Variants in PCDHGB6 observed in about 807,000 individuals in gnomAD.
The protein encoded by PCDHGB6 is protocadherin gamma subfamily B, 6, also known as protocadherin gamma-B6.
Under a neutral mutation model 59.1 loss-of-function variants are expected in PCDHGB6, and 51 were observed. The ratio of observed to expected loss-of-function variants is 0.86; its 90% confidence interval spans 0.69 to 1.09. The LOEUF (loss-of-function observed/expected upper bound fraction) is 1.09. Ranked by LOEUF, PCDHGB6 falls within the 50% of genes least tolerant of loss-of-function variation. The pLI is 0.00. For synonymous variants in PCDHGB6, 466 were observed against 495.1 expected (o/e 0.94, Z 0.78); for missense variants, 1,148 against 1,205.1 (o/e 0.95, Z 0.70).
At position 141,431,017 on chromosome 5, in the gene PCDHGB6, G is replaced by A. The variant is rs768036730; in HGVS notation, c.2418+20397G>A. 2.5e-6 allele frequency: 4 copies of A among 1,613,768 alleles called. No homozygotes were observed. Among genetic ancestry groups the A allele is most frequent in the South Asian group, 1.1e-5 (1 of 91,084 alleles). ...ATCCGCGCAGCGGCAGCTTGGTCAC[G>A]GCGGGCAGGATAGACCGGGAGGAGC... On this transcript the variant is annotated intron_variant, in intron 1 of 3. Transcript: ENST00000520790. This position sits in a 1 kb window ranked among gnomAD's most constrained non-coding sequence, Gnocchi z 4.8.
chr5:141,439,013 A>T lies in PCDHGB6; in HGVS notation c.2418+28393A>T, dbSNP rs2098082221. 1.3e-5 allele frequency among the ~76,000 whole-genome samples: 2 copies of T among 151,700 alleles called. 1 individual carries two copies. The highest frequency in any genetic ancestry group is 1.3e-4 in the Admixed American group (2 of 15,214). On this transcript the variant is annotated intron_variant, in intron 1 of 3. Transcript: ENST00000520790. ...GGCTAAGGACCTGGTTTGTTTGTCA[A>T]ATTTTGAAAATAGATGCCTCAGTTC...
At chr5:141,462,203 G>T (rs544238255) in intron 1 of PCDHGB6, among the ~76,000 whole-genome samples, 2 of 152,036 alleles carry the variant, frequency 1.3e-5, no homozygotes, top group African/African-American at 4.8e-5. Flanking sequence ...CAGGTGATCC[G>T]CCTGCCTCGG....
chr5:141,491,143 C>A lies in PCDHGB6; in HGVS notation c.2419-3664C>A. 1.2e-6 allele frequency: 2 copies of A among 1,614,142 alleles called. No homozygotes were observed. Among genetic ancestry groups the A allele is most frequent in the South Asian group, 1.1e-5 (1 of 91,082 alleles). On this transcript the variant is annotated intron_variant, in intron 1 of 3. Transcript: ENST00000520790. This position sits in a 1 kb window ranked among gnomAD's most constrained non-coding sequence, Gnocchi z 6.9. ...TGAGGTGCGCACAGCCCGGGCCTTA[C>A]TGGAGGATGACTCTGACACCCAGCA... is the stretch of plus-strand genomic sequence containing the variant.
chr5:141,486,722 G>C lies in PCDHGB6; in HGVS notation c.2419-8085G>C, dbSNP rs1235454839. The C allele has an allele frequency of 6.2e-7, 1 of 1,614,200 alleles. No homozygotes were observed. Among genetic ancestry groups the C allele is most frequent in the East Asian group, 2.2e-5 (1 of 44,874 alleles). ...CTCTCTGAACCCCCAGACAGGAGCT[G>C]TTCATGCTACTCGATCCTTTGACTA... On this transcript the variant is annotated intron_variant, in intron 1 of 3. Transcript: ENST00000520790. This position sits in a 1 kb window ranked among gnomAD's most constrained non-coding sequence, Gnocchi z 5.0.
intron 2 of PCDHGB6, among the ~76,000 whole-genome samples, chr5:141,495,607 A>G (rs1484333463): frequency 1.3e-5 from 2 of 151,832 alleles, no homozygotes; most frequent in Admixed American, 1.3e-4. Flanking sequence ...TTCCGTCTTG[A>G]TTGCTGCACC....
intron 1 of PCDHGB6, among the ~76,000 whole-genome samples, chr5:141,448,869 T>C (rs1375609555): frequency 6.6e-6 from 1 of 151,930 alleles, no homozygotes; most frequent in Non-Finnish European, 1.5e-5. Flanking sequence ...GGCGTGAACC[T>C]GGGAGGCGGA....
intron 1 of PCDHGB6, among the ~76,000 whole-genome samples, chr5:141,470,572 A>G (rs1349952470): frequency 6.6e-6 from 1 of 152,208 alleles, no homozygotes; most frequent in Non-Finnish European, 1.5e-5. Flanking sequence ...GCCAAGCAGG[A>G]TCAACTTCAT....
At position 141,477,924 on chromosome 5, in the gene PCDHGB6, A is replaced by G; in HGVS notation, c.2419-16883A>G. 1 of 1,614,140 alleles carries G rather than the reference A, an allele frequency of 6.2e-7. No homozygotes were observed. On this transcript the variant is annotated intron_variant, in intron 1 of 3. Transcript: ENST00000520790. The surrounding 1 kb of genome is among the most constrained non-coding windows in gnomAD (Gnocchi z 4.9). ...GGCTGGGACGCGGATGCAGGGCACA[A>G]TGCCTGGCTCTCCTACAGTCTCTTG...
rs755706235 is a variant in PCDHGB6 at position 141,476,450 on chromosome 5, G to A, written c.2419-18357G>A. ...TTGCACTGTAACTCTGGAGTTGGTA[G>A]TGGAGAACCCGCTGGAGCTGTTCAG... On this transcript the variant is annotated intron_variant, in intron 1 of 3. Transcript: ENST00000520790. The surrounding 1 kb of genome is among the most constrained non-coding windows in gnomAD (Gnocchi z 7.6). The A allele has an allele frequency of 6.2e-7, 1 of 1,614,180 alleles. No individual in the cohort carries two copies. The highest frequency in any genetic ancestry group is 8.5e-7 in the Non-Finnish European group (1 of 1,180,040).
At chr5:141,415,074 G>A (rs745950404) in intron 1 of PCDHGB6, 4 of 1,613,448 alleles carry the variant, frequency 2.5e-6, no homozygotes, top group East Asian at 2.2e-5. Flanking sequence ...TGCGCACGGC[G>A]CGAGCCCTGC....
chr5:141,478,101 T>G, intron 1 of PCDHGB6: 1 of 1,614,018 alleles, frequency 6.2e-7, no homozygotes, highest in Middle Eastern at 1.6e-4. Flanking sequence ...ACTGCTACCC[T>G]CACTGTGTCA....
intron 1 of PCDHGB6, chr5:141,415,228 C>A: frequency 1.2e-6 from 2 of 1,614,168 alleles, no homozygotes; most frequent in South Asian, 2.2e-5. Flanking sequence ...CTTCGAGTCT[C>A]CAGCTAACTC....
rs1433790348 is a variant in PCDHGB6, at chr5:141,431,831, G to A, written c.2418+21211G>A. The A allele has an allele frequency of 1.2e-6, 2 of 1,614,110 alleles. No homozygotes were observed. The highest frequency in any genetic ancestry group is 1.7e-6 in the Non-Finnish European group (2 of 1,180,040). On this transcript the variant is annotated intron_variant, in intron 1 of 3. Transcript: ENST00000520790. The surrounding 1 kb of genome is among the most constrained non-coding windows in gnomAD (Gnocchi z 4.8). Reference sequence around the variant, plus strand: ...CACCTCTCTCGCCAGCTCGGTTCCCGAAAACTCTCCCAGAGGGACATTAAT... The same window carrying A: ...CACCTCTCTCGCCAGCTCGGTTCCCAAAAACTCTCCCAGAGGGACATTAAT...
chr5:141,444,525 C>T (rs2098439670), intron 1 of PCDHGB6, among the ~76,000 whole-genome samples: 1 of 152,062 alleles, frequency 6.6e-6, no homozygotes, highest in African/African-American at 2.4e-5. Context: ...GTAGGTGAGA[C>T]AGTGACTGTG....
rs2099706000 is a variant in PCDHGB6 at position 141,490,911 on chromosome 5, G to A, written c.2419-3896G>A. 1 of 1,613,722 alleles carries A rather than the reference G, an allele frequency of 6.2e-7. No individual in the cohort carries two copies. Among genetic ancestry groups the A allele is most frequent in the Non-Finnish European group, 8.5e-7 (1 of 1,179,746 alleles). Reference sequence around the variant, plus strand: ...CTCTGCATGTGTTTGTCCTAGACGAGAATGATAATGCCCCAGCTGTGCTGC... The same window carrying A: ...CTCTGCATGTGTTTGTCCTAGACGAAAATGATAATGCCCCAGCTGTGCTGC... On this transcript the variant is annotated intron_variant, in intron 1 of 3. Coordinates refer to ENST00000520790, the MANE Select transcript of PCDHGB6 (RefSeq NM_018926.3). This position sits in a 1 kb window ranked among gnomAD's most constrained non-coding sequence, Gnocchi z 5.4.
Position 141,408,120 on chromosome 5 carries a change from C to T in PCDHGB6, c.-83C>T, listed in dbSNP as rs1375123891. 3.4e-6 allele frequency: 5 copies of T among 1,475,704 alleles called. No homozygotes were observed. The allele number at this position is 1,475,704 out of a possible 1,614,324, so 91.4% of individuals were successfully genotyped here. A position where few individuals can be genotyped will look rare whatever the true frequency, so the allele number is the denominator to read the frequency against. ...TCCGAGACCCGGGACTCCTCCTGTC[C>T]TGGGCCGAATGCTCTTTTAGCGCGG... On this transcript the variant is annotated 5_prime_UTR_variant, in exon 1 of 4. Coordinates refer to ENST00000520790, the MANE Select transcript of PCDHGB6 (RefSeq NM_018926.3).
In PCDHGB6 at chr5:141,410,430, A is replaced by G; in HGVS notation, c.2228A>G (p.Tyr743Cys). The change falls in exon 1 of 4, where the codon TAC becomes TGC. Residue 743 changes from tyrosine to cysteine, a missense_variant. By Grantham distance (194) the Tyr-to-Cys change is radical. This residue lies in a region of PCDHGB6 where 283 missense variants were observed against 318.6 expected (regional missense o/e 0.89). Coordinates refer to ENST00000520790, the MANE Select transcript of PCDHGB6 (RefSeq NM_018926.3). ...TCTGGACCTGTAGTTCCCCCCAACT[A>G]CAGTGAGGGGACTTTGCCTTATTCT... is the stretch of plus-strand genomic sequence containing the variant. ...VKSGPVVPPN[Y>C]SEGTLPYSYN... The G allele has an allele frequency of 6.2e-7, 1 of 1,613,976 alleles. No individual in the cohort carries two copies. The highest frequency in any genetic ancestry group is 1.6e-4 in the Middle Eastern group (1 of 6,062).
chr5:141,493,336 A>G lies in PCDHGB6; in HGVS notation c.2419-1471A>G, dbSNP rs1049621539. Among the ~76,000 whole-genome samples, 4 of 152,202 alleles carry G rather than the reference A, an allele frequency of 2.6e-5. No homozygotes were observed. Among genetic ancestry groups the G allele is most frequent in the African/African-American group, 9.7e-5 (4 of 41,450 alleles). On this transcript the variant is annotated intron_variant, in intron 1 of 3. Transcript: ENST00000520790. The surrounding 1 kb of genome is among the most constrained non-coding windows in gnomAD (Gnocchi z 4.3). ...GAGATTCTAACCCCTGTCTAACTCC[A>G]GAATGTGTGCTTTTAATTTCTTGGC...
At chr5:141,475,014 C>G (rs2099358221) in intron 1 of PCDHGB6, among the ~76,000 whole-genome samples, 1 of 152,202 alleles carries the variant, frequency 6.6e-6, no homozygotes, top group South Asian at 2.1e-4. Flanking sequence ...AAAGTTAAGG[C>G]TCTTTATTCT....
Sources: gnomAD v4.1 joint callset for allele counts (sites outside exome capture counted in the v4.1 genomes callset) on GRCh38, gnomAD v4.1.1 for gene constraint, gnomAD v4.1.1 regional missense constraint, Gnocchi (gnomAD v3.1) non-coding constraint, MANE v1.5 for transcripts, NCBI Gene and HGNC (gene_info 2026-07-23, HGNC 2026-07-21) for gene names.